Variants in F11R observed in about 807,000 individuals in gnomAD.
F11R encodes the protein junctional adhesion molecule A.
In F11R, 27 loss-of-function variants were observed where a neutral mutation model predicts 39.3. The observed-to-expected ratio is 0.69, with a 90% CI of 0.51 to 0.95. F11R has a LOEUF of 0.95. Ranked by LOEUF, F11R falls within the 40% of genes least tolerant of loss-of-function variation. F11R has a pLI of 0.00. For synonymous variants in F11R, 131 were observed against 144.9 expected (o/e 0.90, Z 0.69); for missense variants, 335 against 372.7 (o/e 0.90, Z 0.83).
chr1:161,001,185 G>A, intron 2 of F11R, 58 bp from the exon 3 acceptor site: 1 of 1,597,806 alleles, frequency 6.3e-7, no homozygotes, highest in Non-Finnish European at 8.6e-7. Context: ...CACGAGATGG[G>A]GAACAGCCCC....
At position 161,000,673 on chromosome 1, in the gene F11R, C is replaced by T. The variant is rs376990307; in HGVS notation, c.346G>A (p.Gly116Ser). 71 of 1,614,020 alleles carry T rather than the reference C, an allele frequency of 4.4e-5. No homozygotes were observed. The highest frequency in any genetic ancestry group is 5.7e-5 in the Non-Finnish European group (67 of 1,180,024). ...TYTCMVSEEGGNSYGEVKVKL... is the reference protein window; with the variant it reads ...TYTCMVSEEGSNSYGEVKVKL... ...ACCTTGACCTCCCCATAGCTGTTGC[C>T]GCCTTCCTCAGAGACCATACAAGTG... The change falls in exon 4 of 10, where the codon GGC becomes AGC. Residue 116 changes from glycine to serine, a missense_variant. By Grantham distance (56) the Gly-to-Ser change is moderately conservative (BLOSUM62 0). Transcript: ENST00000368026.
At chr1:161,004,505 A>C (rs2774275) in intron 1 of F11R, among the ~76,000 whole-genome samples, 150,894 of 151,998 alleles carry the variant, frequency 0.99, 74,904 homozygotes, top group East Asian at 1. Flanking sequence ...TGAGATTGTG[A>C]CACTACATTC....
rs542932430 is a variant in F11R, at chr1:161,018,758, C to T, written c.64+2252G>A. 4.6e-5 allele frequency among the ~76,000 whole-genome samples: 7 copies of T among 152,218 alleles called. No homozygotes were observed. The South Asian group carries it at 1.5e-3, about 32-fold the overall frequency. ...ATCACTCCCCTCCCCCAACCCAACC[C>T]CAGATCTAGCCTGATTTAAAAGTTA... On this transcript the variant is annotated intron_variant, in intron 1 of 9. Transcript: ENST00000368026.
intron 1 of F11R, among the ~76,000 whole-genome samples, chr1:161,014,435 T>C (rs1649336338): frequency 6.6e-6 from 1 of 152,122 alleles, no homozygotes. Context: ...CCAGGTGTAG[T>C]GACTCATACC....
chr1:161,015,673 AAAC>A (rs1004320593), intron 1 of F11R, among the ~76,000 whole-genome samples: 25 of 151,126 alleles, frequency 1.7e-4, no homozygotes, highest in East Asian at 5.8e-4. Flanking sequence ...CCTGTTTCAA[AAAC>A]AACAACAACA....
intron 3 of F11R, 62 bp downstream of exon 3, chr1:161,000,958 G>A (rs1557889807): frequency 6.6e-7 from 1 of 1,517,782 alleles, no homozygotes; most frequent in Non-Finnish European, 9.2e-7. Flanking sequence ...CTGGATCGTA[G>A]AATCCAGGCA....
At chr1:161,005,916 G>A (rs1648775415) in intron 1 of F11R, among the ~76,000 whole-genome samples, 1 of 151,836 alleles carries the variant, frequency 6.6e-6, no homozygotes, top group Non-Finnish European at 1.5e-5. Flanking sequence ...AGGCGGGCAG[G>A]TCACCTGAGG....
rs543809675 is a variant in F11R at position 161,019,439 on chromosome 1, C to T, written c.64+1571G>A. Among the ~76,000 whole-genome samples, 47 of 151,744 alleles carry T rather than the reference C, an allele frequency of 3.1e-4. No homozygotes were observed. The Middle Eastern group carries it at 0.01, about 33-fold the overall frequency. On this transcript the variant is annotated intron_variant, in intron 1 of 9. Coordinates refer to ENST00000368026, the MANE Select transcript of F11R (RefSeq NM_016946.6). ...GGTGAAACCCCATCTCTACTAAAAA[C>T]AAAAAATTAGCCGGGCGTGATGGTG...
In F11R at chr1:160,998,888, A is replaced by T; in HGVS notation, c.883T>A (p.Ser295Thr). Residue 295 changes from serine (S) to threonine (T), a missense_variant, in exon 10 of 10, where the codon TCG becomes ACG. Transcript: ENST00000368026. ...ARSEGEFKQT[S>T]SFLV ...GACCAGGCTCACACCAGGAATGACG[A>T]GGTCTGTTTGAATTCTCCCTGCAGA... The T allele has an allele frequency of 6.2e-7, 1 of 1,614,204 alleles. No homozygotes were observed. Among genetic ancestry groups the T allele is most frequent in the Non-Finnish European group, 8.5e-7 (1 of 1,180,018 alleles).
chr1:161,002,238 G>A (rs1648534198), intron 1 of F11R, among the ~76,000 whole-genome samples: 1 of 148,808 alleles, frequency 6.7e-6, no homozygotes, highest in Admixed American at 6.7e-5. Flanking sequence ...CTCCAGCCTG[G>A]GCGACAGAGC....
rs1648404682 is a variant in F11R, at chr1:161,000,309, G to A, written c.428C>T (p.Ala143Val). ...CAGCACTGCCCGGTTCCCAATGGTG[G>A]CAGAGGAGGGGATGTTAACTGTAGG... ...SKPTVNIPSS[A>V]TIGNRAVLTC... Residue 143 changes from alanine to valine, a missense_variant, in exon 5 of 10, where the codon GCC (alanine) becomes GTC (valine). By Grantham distance (64) the Ala-to-Val change is moderately conservative (BLOSUM62 0). Coordinates refer to ENST00000368026, the MANE Select transcript of F11R (RefSeq NM_016946.6). The A allele has an allele frequency of 1.2e-6, 2 of 1,614,110 alleles. No homozygotes were observed. The highest frequency in any genetic ancestry group is 1.7e-6 in the Non-Finnish European group (2 of 1,180,038).
chr1:161,010,909 G>T (rs577527561), intron 1 of F11R, among the ~76,000 whole-genome samples: 1 of 147,430 alleles, frequency 6.8e-6, no homozygotes, highest in East Asian at 2.0e-4. Context: ...GGGAGGTGGA[G>T]GTTGCAGTGA....
chr1:161,017,127 T>C (rs1478544269), intron 1 of F11R, among the ~76,000 whole-genome samples: 5 of 152,022 alleles, frequency 3.3e-5, no homozygotes, highest in Admixed American at 2.6e-4. Context: ...ACAAAAACAC[T>C]GCGGAAGGCC....
intron 1 of F11R, among the ~76,000 whole-genome samples, chr1:161,010,555 T>C (rs2483146): frequency 0.028 from 4,284 of 152,218 alleles, 189 homozygotes; most frequent in African/African-American, 0.096. Flanking sequence ...TGTAGCTTTA[T>C]TGGACAAGCA....
rs1557887727 is a variant in F11R at position 160,997,073 on chromosome 1, A to G, written c.*1798T>C. 1 of 152,344 alleles carries G rather than the reference A, an allele frequency of 6.6e-6. No individual in the cohort carries two copies. The highest frequency in any genetic ancestry group is 1.5e-5 in the Non-Finnish European group (1 of 68,036). The allele number at this position is 152,344 out of a possible 1,614,324, so 9.4% of individuals were successfully genotyped here. A position where few individuals can be genotyped will look rare whatever the true frequency, so the allele number is the denominator to read the frequency against. On this transcript the variant is annotated 3_prime_UTR_variant, in exon 10 of 10. Coordinates refer to ENST00000368026, the MANE Select transcript of F11R (RefSeq NM_016946.6). Reference sequence around the variant, plus strand: ...CCTTTACTTGTCCTCTTGCTAAGTTAATAAATAGACTGGTGGATGGTGGTA... The same window carrying G: ...CCTTTACTTGTCCTCTTGCTAAGTTGATAAATAGACTGGTGGATGGTGGTA...
rs1127875 is a variant in F11R at position 160,998,065 on chromosome 1, T to C, written c.*806A>G. 1 of 152,348 alleles carries C rather than the reference T, an allele frequency of 6.6e-6. No homozygotes were observed. Among genetic ancestry groups the C allele is most frequent in the Non-Finnish European group, 1.5e-5 (1 of 68,122 alleles). The allele number at this position is 152,348 out of a possible 1,614,324, so 9.4% of individuals were successfully genotyped here. ...CACTATGCCTGGCTAACTTTGTATT[T>C]TTAGTAGGGTTTCTCCATGTTGGTC... is the stretch of plus-strand genomic sequence containing the variant. On this transcript the variant is annotated 3_prime_UTR_variant, in exon 10 of 10. Coordinates refer to ENST00000368026, the MANE Select transcript of F11R (RefSeq NM_016946.6).
chr1:161,003,244 C>T (rs1489802765), intron 1 of F11R, among the ~76,000 whole-genome samples: 2 of 152,056 alleles, frequency 1.3e-5, no homozygotes, highest in Non-Finnish European at 2.9e-5. Context: ...CTGCCTCAGC[C>T]TCCCAAGTAG....
intron 1 of F11R, among the ~76,000 whole-genome samples, chr1:161,007,380 G>C (rs982301989): frequency 3.3e-4 from 50 of 151,776 alleles, no homozygotes; most frequent in African/African-American, 1.2e-3. Flanking sequence ...CAGGAGAATT[G>C]CTTGAACCTG....
At position 161,000,320 on chromosome 1, in the gene F11R, G is replaced by T; in HGVS notation, c.417C>A (p.Ile139=). The T allele has an allele frequency of 6.2e-7, 1 of 1,614,080 alleles. No individual in the cohort carries two copies. The highest frequency in any genetic ancestry group is 8.5e-7 in the Non-Finnish European group (1 of 1,180,042). Residue 139 remains isoleucine (I), a synonymous_variant, in exon 5 of 10, where the codon ATC becomes ATA. Transcript: ENST00000368026. ...GGTTCCCAATGGTGGCAGAGGAGGG[G>T]ATGTTAACTGTAGGCTTGGATGGAG... ...LVPPSKPTVN[I]PSSATIGNRA...
Sources: allele counts gnomAD v4.1 joint callset (sites outside exome capture counted in the v4.1 genomes callset), GRCh38; gene constraint gnomAD v4.1.1; transcripts MANE v1.5; gene names NCBI Gene and HGNC (gene_info 2026-07-23, HGNC 2026-07-21).